PLAGL1: variants seen among roughly 807,000 people sequenced by gnomAD.
PLAGL1 encodes the protein PLAG1 like zinc finger 1.
PLAGL1 carries 1 observed loss-of-function variant against 4.6 expected under a neutral mutation model. The observed-to-expected ratio is 0.22, with a 90% CI of 0.08 to 1.03. The LOEUF (loss-of-function observed/expected upper bound fraction) is 1.03. Among genes scored for constraint, PLAGL1 ranks in the 50% least tolerant of loss-of-function variants. The pLI is 0.58. For synonymous variants in PLAGL1, 240 were observed against 237.8 expected, an observed-to-expected ratio of 1.01 and a Z score of -0.08; for missense variants, 464 against 570.4, an observed-to-expected ratio of 0.81 and a Z score of 1.90.
At chr6:144,024,874 T>A (rs575759266) in intron 1 of PLAGL1, among the ~76,000 whole-genome samples, 1 of 152,334 alleles carries the variant, frequency 6.6e-6, no homozygotes, top group South Asian at 2.1e-4. Context: ...GATCCCATAC[T>A]GATACAAATA....
At position 144,000,586 on chromosome 6, in the gene PLAGL1, C is replaced by A. The variant is rs1352724335; in HGVS notation, c.-584+7504G>T. The stretch of plus-strand genomic sequence containing the variant: ...ATATACCCATTCTTCTCATATTGAT[C>A]TATAAATTCAAAGCCATTTCTATAA... On this transcript the variant is annotated intron_variant, in intron 1 of 7. Transcript: ENST00000674357. The surrounding 1 kb of genome is among the most constrained non-coding windows in gnomAD (Gnocchi z 4.1). Among the ~76,000 whole-genome samples the A allele has an allele frequency of 6.6e-6, 1 of 152,032 alleles. No individual in the cohort carries two copies. The highest frequency in any genetic ancestry group is 1.5e-5 in the Non-Finnish European group (1 of 67,958).
In PLAGL1 at chr6:144,036,730, G is replaced by T; in HGVS notation, c.-151+27738C>A. ...AAAGAATGGAAAAAGTGAAACTACA[G>T]AACAGAAATTGTGCAACTTCCAGAA... On this transcript the variant is annotated intron_variant, in intron 1 of 3. Transcript: ENST00000437412. The surrounding 1 kb of genome is among the most constrained non-coding windows in gnomAD (Gnocchi z 5.1). The T allele has an allele frequency of 3.2e-6, 1 of 314,606 alleles. No individual in the cohort carries two copies. 19.5% of individuals were successfully genotyped at this position (314,606 alleles called of 1,614,324 possible).
At chr6:143,977,082 TTCCCCCCCCCC>T (rs1786723559) in intron 2 of PLAGL1, among the ~76,000 whole-genome samples, 1 of 122,166 alleles carries the variant, frequency 8.2e-6, no homozygotes, top group Non-Finnish European at 1.9e-5. Context: ...ATATACTCCC[TTCCCCCCCCCC>T]AACACACTTA....
Position 143,942,691 on chromosome 6 carries a change from T to G in PLAGL1, c.153-28A>C. The stretch of plus-strand genomic sequence containing the variant: ...AGGAGCAGAAGGAGAAATTTCACAA[T>G]AGAGAGTTGTTTTAAGAGCTGAAGA... On this transcript the variant is annotated intron_variant, in intron 7 of 7. Transcript: ENST00000674357. The surrounding 1 kb of genome is among the most constrained non-coding windows in gnomAD (Gnocchi z 7.6). 7 of 1,569,028 alleles carry G rather than the reference T, an allele frequency of 4.5e-6. No homozygotes were observed. The highest frequency in any genetic ancestry group is 6.1e-6 in the Non-Finnish European group (7 of 1,152,110).
At chr6:144,001,175 A>T (rs1364398306) in intron 1 of PLAGL1, among the ~76,000 whole-genome samples, 1 of 104,758 alleles carries the variant, frequency 9.5e-6, no homozygotes, top group African/African-American at 3.0e-5. Flanking sequence ...AGGAAATGAT[A>T]AAAAAAAAAA....
In PLAGL1 at chr6:144,055,015, C is replaced by G. The variant is rs117059750; in HGVS notation, c.-151+9453G>C. ...TTAAAACACGAGGAAAATGCATTAA[C>G]CCAGCACCTTTTCAACATGAATTGT... is the stretch of plus-strand genomic sequence containing the variant. On this transcript the variant is annotated intron_variant, in intron 1 of 3. Coordinates refer to the PLAGL1 transcript ENST00000437412. This position sits in a 1 kb window ranked among gnomAD's most constrained non-coding sequence, Gnocchi z 5.0. Among the ~76,000 whole-genome samples the G allele has an allele frequency of 0.074, 11,197 of 152,154 alleles. 652 individuals are homozygous for G. The highest frequency in any genetic ancestry group is 0.21 in the Admixed American group (3,155 of 15,276).
At position 143,949,432 on chromosome 6, in the gene PLAGL1, G is replaced by A. The variant is rs1780534695; in HGVS notation, c.-324-972C>T. ...CTTTCCACCCAAGCTGAGAAACTGT[G>A]TTCCAAAAATTTACACTTGGAGATG... On this transcript the variant is annotated intron_variant, in intron 6 of 7. Transcript: ENST00000674357. This position sits in a 1 kb window ranked among gnomAD's most constrained non-coding sequence, Gnocchi z 5.3. Among the ~76,000 whole-genome samples, 1 of 152,164 alleles carries A rather than the reference G, an allele frequency of 6.6e-6. No homozygotes were observed. The highest frequency in any genetic ancestry group is 6.5e-5 in the Admixed American group (1 of 15,276).
rs1392148941 is a variant in PLAGL1, at chr6:143,984,081, TTATAAC to T, written c.-544+1048_-544+1053del. On this transcript the variant is annotated intron_variant, in intron 2 of 7. Transcript: ENST00000674357. This position sits in a 1 kb window ranked among gnomAD's most constrained non-coding sequence, Gnocchi z 5.5. ...CCAGATTTTAAATTTTTATGTTGTC[TTATAAC>T]TATATTTATAATAATGATTTAGGCC... Among the ~76,000 whole-genome samples, 1 of 152,214 alleles carries T rather than the reference TTATAAC, an allele frequency of 6.6e-6. No individual in the cohort carries two copies. Among genetic ancestry groups the T allele is most frequent in the African/African-American group, 2.4e-5 (1 of 41,460 alleles).
chr6:144,023,865 C>T (rs956915156), intron 1 of PLAGL1, among the ~76,000 whole-genome samples: 33 of 150,558 alleles, frequency 2.2e-4, no homozygotes, highest in African/African-American at 7.1e-4. Context: ...CAACCTCCGC[C>T]TCCCAGGCTC....
chr6:144,027,230 C>CGAAAGAAAGAAAGAAAGAAA lies in PLAGL1; in HGVS notation c.-151+37237_-151+37238insTTTCTTTCTTTCTTTCTTTC, dbSNP rs761735778. Among the ~76,000 whole-genome samples the CGAAAGAAAGAAAGAAAGAAA allele has an allele frequency of 6.2e-3, 611 of 98,964 alleles. 8 individuals are homozygous for CGAAAGAAAGAAAGAAAGAAA. Among genetic ancestry groups the CGAAAGAAAGAAAGAAAGAAA allele is most frequent in the African/African-American group, 0.012 (297 of 24,096 alleles). The allele number at this position is 98,964 out of a possible 152,430, so 64.9% of individuals were successfully genotyped here. On this transcript the variant is annotated intron_variant, in intron 1 of 3. Coordinates refer to the PLAGL1 transcript ENST00000437412. The surrounding 1 kb of genome is among the most constrained non-coding windows in gnomAD (Gnocchi z 5.8). ...CAGAGAAAGACCCCAACTCAAAGAA[C>CGAAAGAAAGAAAGAAAGAAA]GAACGAAAGAAAGAAAGAAAGAAAG... is the stretch of plus-strand genomic sequence containing the variant.
In PLAGL1 at chr6:143,997,874, A is replaced by G. The variant is rs903320719; in HGVS notation, c.-584+10216T>C. The stretch of plus-strand genomic sequence containing the variant: ...CAGGTGTGCGTATGTGTGTGTGTGT[A>G]TAAACTCATCAAGCTATATACTTAA... On this transcript the variant is annotated intron_variant, in intron 1 of 7. Transcript: ENST00000674357. The surrounding 1 kb of genome is among the most constrained non-coding windows in gnomAD (Gnocchi z 4.6). Among the ~76,000 whole-genome samples, 1 of 152,128 alleles carries G rather than the reference A, an allele frequency of 6.6e-6. No homozygotes were observed. Among genetic ancestry groups the G allele is most frequent in the Non-Finnish European group, 1.5e-5 (1 of 68,016 alleles).
rs138435856 is a variant in PLAGL1, at chr6:144,002,775, T to C, written c.-584+5315A>G. On this transcript the variant is annotated intron_variant, in intron 1 of 7. Coordinates refer to ENST00000674357, the MANE Select transcript of PLAGL1 (RefSeq NM_001317162.2). ...TATACAAAACAATGTTGAAAGTAAC[T>C]GTAGAAGAACTTATGCAATGAAGGG... Among the ~76,000 whole-genome samples the C allele has an allele frequency of 2.5e-3, 380 of 152,180 alleles. 1 individual carries two copies. Among genetic ancestry groups the C allele is most frequent in the African/African-American group, 8.4e-3 (349 of 41,530 alleles).
At chr6:144,037,661 T>G (rs1797345620) in intron 1 of PLAGL1, 2 of 151,622 alleles carry the variant, frequency 1.3e-5, no homozygotes, top group African/African-American at 4.9e-5. Context: ...GGTGACAGTT[T>G]CATTTCTTTT....
intron 1 of PLAGL1, among the ~76,000 whole-genome samples, chr6:144,018,393 G>A (rs1795714972): frequency 6.6e-6 from 1 of 152,150 alleles, no homozygotes; most frequent in Non-Finnish European, 1.5e-5. Flanking sequence ...TGAGAGGATG[G>A]GGTAGCGGGT....
chr6:143,948,203 C>T lies in PLAGL1; in HGVS notation c.-67G>A, dbSNP rs966807656. On this transcript the variant is annotated 5_prime_UTR_variant, in exon 7 of 8. Transcript: ENST00000674357. The surrounding 1 kb of genome is among the most constrained non-coding windows in gnomAD (Gnocchi z 6.0). ...AAATGCTGTGCCATTTAAGCACAAA[C>T]AGAACGATGGTGCTGGGCACATCAG... is the stretch of plus-strand genomic sequence containing the variant. 2 of 1,461,772 alleles carry T rather than the reference C, an allele frequency of 1.4e-6. No homozygotes were observed. Among genetic ancestry groups the T allele is most frequent in the African/African-American group, 2.8e-5 (2 of 72,104 alleles). 90.6% of individuals were successfully genotyped at this position (1,461,772 alleles called of 1,614,324 possible).
rs1404320260 is a variant in PLAGL1 at position 144,050,170 on chromosome 6, G to T, written c.-151+14298C>A. Among the ~76,000 whole-genome samples the T allele has an allele frequency of 6.6e-6, 1 of 152,130 alleles. No individual in the cohort carries two copies. Among genetic ancestry groups the T allele is most frequent in the Non-Finnish European group, 1.5e-5 (1 of 68,022 alleles). On this transcript the variant is annotated intron_variant, in intron 1 of 3. Transcript: ENST00000437412. The surrounding 1 kb of genome is among the most constrained non-coding windows in gnomAD (Gnocchi z 4.3). ...TTTATGTGTCTGGTGAGTTTTGAGG[G>T]AAATTGAGACCACCTAAGGGAACAA...
At chr6:144,009,002 C>A (rs1448675070), upstream of PLAGL1, among the ~76,000 whole-genome samples, 1 of 152,198 alleles carries the variant, frequency 6.6e-6, no homozygotes, top group Non-Finnish European at 1.5e-5. Context: ...AAGGGAATCT[C>A]TATTGCTTTC....
Position 143,972,838 on chromosome 6 carries a change from T to C in PLAGL1, c.-543-3860A>G, listed in dbSNP as rs1227071212. On this transcript the variant is annotated intron_variant, in intron 2 of 7. Coordinates refer to ENST00000674357, the MANE Select transcript of PLAGL1 (RefSeq NM_001317162.2). The surrounding 1 kb of genome is among the most constrained non-coding windows in gnomAD (Gnocchi z 6.8). ...GTTAATATTTGTTTTACTCTACTTCTGTGTTTAAAAAAAGAGGGCGGGTGG... is the reference window on the plus strand; with the variant it reads ...GTTAATATTTGTTTTACTCTACTTCCGTGTTTAAAAAAAGAGGGCGGGTGG... Among the ~76,000 whole-genome samples, 1 of 152,220 alleles carries C rather than the reference T, an allele frequency of 6.6e-6. No individual in the cohort carries two copies. The highest frequency in any genetic ancestry group is 1.5e-5 in the Non-Finnish European group (1 of 68,046).
chr6:144,030,059 C>G (rs1021946557), intron 1 of PLAGL1, among the ~76,000 whole-genome samples: 1 of 151,908 alleles, frequency 6.6e-6, no homozygotes, highest in Non-Finnish European at 1.5e-5. Flanking sequence ...CGAGACCATC[C>G]TGGTTAACAC....
Sources: allele counts gnomAD v4.1 joint callset (sites outside exome capture counted in the v4.1 genomes callset), GRCh38; gene constraint gnomAD v4.1.1; non-coding constraint Gnocchi (gnomAD v3.1); transcripts MANE v1.5; gene names NCBI Gene and HGNC (gene_info 2026-07-23, HGNC 2026-07-21).